Variants in NIPAL2 observed in about 807,000 individuals in gnomAD.
The protein encoded by NIPAL2 is NIPA-like protein 2.
Under a neutral mutation model 48.9 loss-of-function variants are expected in NIPAL2, and 43 were observed. That is an observed-to-expected ratio of 0.88 (90% CI 0.69 to 1.13). The LOEUF (loss-of-function observed/expected upper bound fraction) is 1.13. Among genes scored for constraint, NIPAL2 ranks in the 50% most tolerant of loss-of-function variants. The pLI, the probability that NIPAL2 is intolerant of heterozygous loss-of-function variation, is 0.00. For synonymous variants in NIPAL2, 167 were observed against 174.6 expected, an observed-to-expected ratio of 0.96 and a Z score of 0.34; for missense variants, 446 against 461.4, an observed-to-expected ratio of 0.97 and a Z score of 0.31.
intron 6 of NIPAL2, among the ~76,000 whole-genome samples, chr8:98,211,256 T>C (rs1324732746): frequency 6.6e-6 from 1 of 152,218 alleles, no homozygotes. Context: ...ATCTTAATTC[T>C]GTTATCTTAC....
intron 1 of NIPAL2, among the ~76,000 whole-genome samples, chr8:98,262,337 T>C (rs1267885231): frequency 6.8e-6 from 1 of 148,032 alleles, no homozygotes; most frequent in African/African-American, 2.5e-5. Flanking sequence ...GACTGGCAAA[T>C]TGGATAAAGA....
intron 8 of NIPAL2, among the ~76,000 whole-genome samples, chr8:98,198,286 AT>A (rs1173622856): frequency 1.3e-5 from 2 of 152,250 alleles, no homozygotes; most frequent in Non-Finnish European, 2.9e-5. Context: ...TCAGTAACCC[AT>A]GCCATAAACA....
intron 4 of NIPAL2, among the ~76,000 whole-genome samples, chr8:98,227,373 G>A (rs1268153542): frequency 6.6e-6 from 1 of 152,178 alleles, no homozygotes; most frequent in African/African-American, 2.4e-5. Context: ...CACACCTGAA[G>A]CTAATACATC....
intron 8 of NIPAL2, among the ~76,000 whole-genome samples, chr8:98,198,959 C>CTT (rs1054384118): frequency 6.4e-5 from 9 of 140,788 alleles, no homozygotes; most frequent in East Asian, 4.1e-4. Flanking sequence ...TTTTTCTTTT[C>CTT]TTTTTTTTTT....
intron 3 of NIPAL2, among the ~76,000 whole-genome samples, chr8:98,244,276 G>A (rs1297439761): frequency 3.5e-5 from 5 of 143,408 alleles, no homozygotes; most frequent in African/African-American, 1.3e-4. Flanking sequence ...CGGTGGGCGT[G>A]GTGATGAGAG....
chr8:98,245,958 C>T (rs986318514), intron 3 of NIPAL2, among the ~76,000 whole-genome samples: 8 of 152,114 alleles, frequency 5.3e-5, no homozygotes, highest in African/African-American at 9.7e-5. Context: ...AATCAATGTC[C>T]GTGTGAAGTG....
chr8:98,259,070 CTTTTTTTTTT>C (rs869220202), intron 1 of NIPAL2, among the ~76,000 whole-genome samples: 5 of 41,876 alleles, frequency 1.2e-4, no homozygotes, highest in African/African-American at 5.4e-4. Flanking sequence ...TTAAATATTC[CTTTTTTTTTT>C]TTTTTTTTTT....
chr8:98,259,069 C>CTTTTTTTTTTTTTTTTTTT lies in NIPAL2; in HGVS notation c.136-4983_136-4982insAAAAAAAAAAAAAAAAAAA, dbSNP rs1563531576. ...TTATGCTGCTGTTCCTTTAAATATTCCTTTTTTTTTTTTTTTTTTTTTTTT... is the reference window on the plus strand; with the variant it reads ...TTATGCTGCTGTTCCTTTAAATATTCTTTTTTTTTTTTTTTTTTTCTTTTTTTTTTTTTTTTTTTTTTTT... On this transcript the variant is annotated intron_variant, in intron 1 of 10. Transcript: ENST00000430223. 1.9e-4 allele frequency among the ~76,000 whole-genome samples: 17 copies of CTTTTTTTTTTTTTTTTTTT among 89,348 alleles called. 1 individual carries two copies. Among genetic ancestry groups the CTTTTTTTTTTTTTTTTTTT allele is most frequent in the African/African-American group, 6.0e-4 (13 of 21,794 alleles). The allele number at this position is 89,348 out of a possible 152,430, so 58.6% of individuals were successfully genotyped here.
intron 10 of NIPAL2, among the ~76,000 whole-genome samples, chr8:98,194,198 G>C (rs762950341): frequency 4.6e-5 from 7 of 152,178 alleles, no homozygotes. Flanking sequence ...TTGTCTACAT[G>C]ACTAGGCGAG....
At chr8:98,196,259 C>T (rs546850010) in intron 8 of NIPAL2, among the ~76,000 whole-genome samples, 1 of 152,232 alleles carries the variant, frequency 6.6e-6, no homozygotes, top group South Asian at 2.1e-4. Flanking sequence ...CATATATTTG[C>T]AAGCAGAAAT....
chr8:98,207,547 C>G (rs1811096112), intron 6 of NIPAL2, among the ~76,000 whole-genome samples: 1 of 152,074 alleles, frequency 6.6e-6, no homozygotes, highest in Non-Finnish European at 1.5e-5. Flanking sequence ...AAGATATTGT[C>G]AGTGGTTATC....
intron 3 of NIPAL2, among the ~76,000 whole-genome samples, chr8:98,241,822 T>C (rs961810219): frequency 7.1e-6 from 1 of 141,594 alleles, no homozygotes; most frequent in Non-Finnish European, 1.6e-5. Flanking sequence ...TGACACGGAA[T>C]AATTAACTCT....
intron 1 of NIPAL2, among the ~76,000 whole-genome samples, chr8:98,280,327 C>T (rs1326805519): frequency 6.6e-6 from 1 of 152,168 alleles, no homozygotes; most frequent in Non-Finnish European, 1.5e-5. Flanking sequence ...ATGCAACCCA[C>T]AACTGGAATA....
At chr8:98,282,789 A>G (rs1454261219) in intron 1 of NIPAL2, among the ~76,000 whole-genome samples, 1 of 152,238 alleles carries the variant, frequency 6.6e-6, no homozygotes, top group African/African-American at 2.4e-5. Context: ...TTTTACCACT[A>G]ATCTCCTTTG....
At chr8:98,203,271 A>C in intron 7 of NIPAL2, 75 bp from the exon 8 acceptor site, 1 of 1,054,870 alleles carries the variant, frequency 9.5e-7, no homozygotes, top group Non-Finnish European at 1.5e-6. Context: ...ACTTCAAGAA[A>C]CACGTGTTCT....
intron 3 of NIPAL2, among the ~76,000 whole-genome samples, chr8:98,246,208 T>C (rs1050585701): frequency 7.9e-5 from 12 of 152,218 alleles, no homozygotes; most frequent in African/African-American, 2.9e-4. Context: ...TCACCAGGGC[T>C]TCCTGGCTCT....
intron 1 of NIPAL2, among the ~76,000 whole-genome samples, chr8:98,292,688 A>G (rs908194659): frequency 2.0e-5 from 3 of 152,032 alleles, no homozygotes; most frequent in African/African-American, 7.2e-5. Context: ...TGTGAAAACA[A>G]TGTCCTGTTT....
At position 98,247,106 on chromosome 8, in the gene NIPAL2, C is replaced by T. The variant is rs150013506; in HGVS notation, c.376+5357G>A. On this transcript the variant is annotated intron_variant, in intron 3 of 10. Coordinates refer to ENST00000430223, the MANE Select transcript of NIPAL2 (RefSeq NM_001321635.2). ...AATCCCCAAAGGACAGGCTTATAGACCTATGAGTGTTCACAAGCATGAATA... is the reference window on the plus strand; with the variant it reads ...AATCCCCAAAGGACAGGCTTATAGATCTATGAGTGTTCACAAGCATGAATA... Among the ~76,000 whole-genome samples the T allele has an allele frequency of 2.7e-3, 416 of 152,278 alleles. 9 individuals carry two copies. Among genetic ancestry groups the T allele is most frequent in the Non-Finnish European group, 2.1e-3 (141 of 68,024 alleles).
intron 1 of NIPAL2, among the ~76,000 whole-genome samples, chr8:98,282,217 C>T (rs1815874888): frequency 6.6e-6 from 1 of 152,122 alleles, no homozygotes; most frequent in South Asian, 2.1e-4. Context: ...AAACAAGGGG[C>T]CCTGCAGGCC....
Sources: allele counts gnomAD v4.1 joint callset (sites outside exome capture counted in the v4.1 genomes callset), GRCh38; gene constraint gnomAD v4.1.1; transcripts MANE v1.5; gene names NCBI Gene and HGNC (gene_info 2026-07-23, HGNC 2026-07-21).